Variants in RIN2 observed in about 807,000 individuals in gnomAD.
RIN2 encodes the protein Ras and Rab interactor 2, also known as RAB5 interacting protein 2.
In RIN2, 36 loss-of-function variants were observed where a neutral mutation model predicts 78.0. That is an observed-to-expected ratio of 0.46 (90% CI 0.35 to 0.61). The LOEUF is 0.61. RIN2 is among the 20% of genes least tolerant of loss of function. RIN2 has a pLI of 0.00. For synonymous variants in RIN2, 466 were observed against 466.8 expected (o/e 1.00, Z 0.02); for missense variants, 1,087 against 1,159.7 (o/e 0.94, Z 0.91).
intron 2 of RIN2, among the ~76,000 whole-genome samples, chr20:19,827,641 C>CTATAGAAGATCCAGGTACGCCCT (rs2036132832): frequency 6.6e-6 from 1 of 152,086 alleles, no homozygotes; most frequent in South Asian, 2.1e-4. Flanking sequence ...AAGAAAATGC[C>CTATAGAAGATCCAGGTACGCCCT]TATAGAAGAT....
chr20:19,818,922 G>C (rs1382799465), intron 2 of RIN2, among the ~76,000 whole-genome samples: 1 of 152,136 alleles, frequency 6.6e-6, no homozygotes, highest in African/African-American at 2.4e-5. Flanking sequence ...GGATGAGGTG[G>C]ATATATTTGT....
intron 2 of RIN2, among the ~76,000 whole-genome samples, chr20:19,878,593 T>G (rs1157272012): frequency 6.6e-6 from 1 of 152,136 alleles, no homozygotes; most frequent in Non-Finnish European, 1.5e-5. Flanking sequence ...GTTCTCTTGA[T>G]GTATAATTTT....
At chr20:19,960,497 G>A (rs2041705705) in intron 5 of RIN2, among the ~76,000 whole-genome samples, 1 of 152,126 alleles carries the variant, frequency 6.6e-6, no homozygotes, top group Admixed American at 6.5e-5. Context: ...GGGAAAGCAG[G>A]ATTCTTTTGG....
chr20:19,796,365 G>A (rs1272789152), intron 1 of RIN2, among the ~76,000 whole-genome samples: 1 of 152,182 alleles, frequency 6.6e-6, no homozygotes, highest in African/African-American at 2.4e-5. Flanking sequence ...CTACAGCAAT[G>A]TTTTTCAAGC....
Position 19,938,849 on chromosome 20 carries a change from A to G in RIN2, c.158+3650A>G, listed in dbSNP as rs148535457. ...TTCCCAACTTATACTCCCTTGGCCA[A>G]TCCTCTCTTTGAGTCCAGAGGTTGG... is the stretch of plus-strand genomic sequence containing the variant. On this transcript the variant is annotated intron_variant, in intron 4 of 12. Coordinates refer to ENST00000255006, the MANE Select transcript of RIN2 (RefSeq NM_018993.4). Among the ~76,000 whole-genome samples, 522 of 152,144 alleles carry G rather than the reference A, an allele frequency of 3.4e-3. 3 individuals carry two copies. The highest frequency in any genetic ancestry group is 0.012 in the African/African-American group (496 of 41,538).
intron 4 of RIN2, among the ~76,000 whole-genome samples, chr20:19,955,090 G>A (rs558737521): frequency 2.6e-5 from 4 of 152,104 alleles, no homozygotes; most frequent in South Asian, 2.1e-4. Context: ...CCTGGTACCT[G>A]TTTGCAATCG....
At chr20:19,891,356 T>C (rs914345624) in intron 3 of RIN2, among the ~76,000 whole-genome samples, 6 of 152,190 alleles carry the variant, frequency 3.9e-5, no homozygotes, top group Non-Finnish European at 8.8e-5. Context: ...GATGCTGAGA[T>C]ATTTATTTCC....
chr20:19,854,119 C>T (rs6075582), intron 2 of RIN2, among the ~76,000 whole-genome samples: 25,427 of 151,914 alleles, frequency 0.17, 2,632 homozygotes, highest in Non-Finnish European at 0.22. Context: ...TTTCCCAGCA[C>T]CATTTATTAA....
intron 3 of RIN2, among the ~76,000 whole-genome samples, chr20:19,927,396 A>T (rs1193062948): frequency 6.6e-6 from 1 of 150,976 alleles, no homozygotes; most frequent in Non-Finnish European, 1.5e-5. Flanking sequence ...TACAAGGCAC[A>T]TGCCACCATG....
At chr20:19,962,574 G>A (rs1846387992) in intron 6 of RIN2, among the ~76,000 whole-genome samples, 1 of 152,146 alleles carries the variant, frequency 6.6e-6, no homozygotes, top group African/African-American at 2.4e-5. Context: ...GGTTAAAAGA[G>A]CTTGTTTAAA....
intron 2 of RIN2, among the ~76,000 whole-genome samples, chr20:19,803,116 TA>T (rs1445361875): frequency 2.6e-5 from 4 of 152,362 alleles, no homozygotes; most frequent in Non-Finnish European, 4.4e-5. Context: ...CTGAGAATTG[TA>T]AAGTGACTTA....
chr20:19,815,874 A>G (rs2876543), intron 2 of RIN2, among the ~76,000 whole-genome samples: 64,660 of 152,116 alleles, frequency 0.43, 17,920 homozygotes, highest in African/African-American at 0.8. Flanking sequence ...TTCCTTTGGG[A>G]AAGTAAGAAA....
At chr20:19,815,759 T>A (rs2035748070) in intron 2 of RIN2, among the ~76,000 whole-genome samples, 1 of 152,226 alleles carries the variant, frequency 6.6e-6, no homozygotes, top group African/African-American at 2.4e-5. Context: ...CACAGAGTCC[T>A]GTGGGAAACT....
At chr20:19,807,155 G>T (rs2035436160) in intron 2 of RIN2, among the ~76,000 whole-genome samples, 1 of 152,250 alleles carries the variant, frequency 6.6e-6, no homozygotes, top group Non-Finnish European at 1.5e-5. Context: ...ACCTTGTAAA[G>T]CTTGTGCTTG....
chr20:19,929,667 C>A (rs1219243497), intron 3 of RIN2, among the ~76,000 whole-genome samples: 2 of 152,128 alleles, frequency 1.3e-5, no homozygotes, highest in Non-Finnish European at 1.5e-5. Flanking sequence ...GGGCCTGTAG[C>A]ACCAACTGCT....
intron 2 of RIN2, among the ~76,000 whole-genome samples, chr20:19,869,205 C>T (rs77100930): frequency 1.3e-5 from 2 of 151,636 alleles, no homozygotes; most frequent in South Asian, 2.1e-4. Flanking sequence ...ATTAGAAATG[C>T]AAATAAAGGT....
At chr20:19,779,201 G>A (rs2034412996) in intron 1 of RIN2, among the ~76,000 whole-genome samples, 1 of 152,126 alleles carries the variant, frequency 6.6e-6, no homozygotes, top group Non-Finnish European at 1.5e-5. Flanking sequence ...GAGGGTGTTT[G>A]ATTTCTGGCT....
chr20:19,878,720 C>T (rs143068296), intron 2 of RIN2, among the ~76,000 whole-genome samples: 40 of 152,252 alleles, frequency 2.6e-4, no homozygotes, highest in Non-Finnish European at 4.6e-4. Flanking sequence ...CAGACACAGG[C>T]AATGATGCTG....
At position 19,900,945 on chromosome 20, in the gene RIN2, C is replaced by CAA. The variant is rs869239642; in HGVS notation, c.57+11314_57+11315dup. On this transcript the variant is annotated intron_variant, in intron 3 of 12. Coordinates refer to ENST00000255006, the MANE Select transcript of RIN2 (RefSeq NM_018993.4). ...GGCCTGGGCAACAAGAGCTCTGTCT[C>CAA]AAAAAAAAAAAAAAAAAAAAAAAAA... is the stretch of plus-strand genomic sequence containing the variant. Among the ~76,000 whole-genome samples, 277 of 29,566 alleles carry CAA rather than the reference C, an allele frequency of 9.4e-3. 19 individuals carry two copies. Among genetic ancestry groups the CAA allele is most frequent in the African/African-American group, 0.017 (211 of 12,096 alleles). 19.4% of individuals were successfully genotyped at this position (29,566 alleles called of 152,430 possible).
Sources: allele counts gnomAD v4.1 joint callset (sites outside exome capture counted in the v4.1 genomes callset), GRCh38; gene constraint gnomAD v4.1.1; transcripts MANE v1.5; gene names NCBI Gene and HGNC (gene_info 2026-07-23, HGNC 2026-07-21).